The following SPINK5 variants were observed in gnomAD, a reference collection of about 807,000 sequenced individuals.
SPINK5 encodes serine peptidase inhibitor Kazal type 5.
In SPINK5, 125 loss-of-function variants were observed where a neutral mutation model predicts 151.8. That is an observed-to-expected ratio of 0.82 (90% CI 0.71 to 0.96). The LOEUF (loss-of-function observed/expected upper bound fraction) is 0.96, where lower values mean the gene tolerates loss of function less well. Ranked by LOEUF, SPINK5 falls within the 40% of genes least tolerant of loss-of-function variation. SPINK5 has a pLI of 0.00. For synonymous variants in SPINK5, 374 were observed against 395.3 expected (o/e 0.95, Z 0.64); for missense variants, 1,194 against 1,291.9 (o/e 0.92, Z 1.16).
intron 8 of SPINK5, among the ~76,000 whole-genome samples, chr5:148,092,705 C>A (rs1053315342): frequency 2.0e-5 from 3 of 151,832 alleles, no homozygotes; most frequent in African/African-American, 4.8e-5. Flanking sequence ...TTACGAGAAT[C>A]ATTGAGCATT....
rs886041508 is a variant in SPINK5, at chr5:148,120,320, A to T, written c.2467A>T (p.Lys823Ter). 6.2e-7 allele frequency: 1 copy of T among 1,605,684 alleles called. No homozygotes were observed. The highest frequency in any genetic ancestry group is 8.5e-7 in the Non-Finnish European group (1 of 1,175,216). ...GGAAAGGGAAGCAGCTGAAAAAAAA[A>T]AGAAAGAGGATGAAGACAGGAGCAA... is the stretch of plus-strand genomic sequence containing the variant. ...KLEREAAEKK[K>*]KEDEDRSNTG... Residue 823 changes from lysine to a stop codon, truncating the protein, a stop_gained, in exon 26 of 33, where the codon AAG (lysine) becomes TAG (stop). Coordinates refer to ENST00000256084, the MANE Select transcript of SPINK5 (RefSeq NM_006846.4). LOFTEE classifies it high-confidence loss of function.
rs754893266 is a variant in SPINK5, at chr5:148,101,823, C to CT, written c.1351dup (p.Cys451LeufsTer6). ...CCGCAAATCCAGGAAAAACGGACGG[C>CT]TTTTTTGCACCAGAGAGAATGACCC... On this transcript the variant is annotated frameshift_variant, in exon 15 of 33. Transcript: ENST00000256084. LOFTEE classifies it high-confidence loss of function. 6.2e-7 allele frequency: 1 copy of CT among 1,613,808 alleles called. No individual in the cohort carries two copies.
intron 24 of SPINK5, 27 bp downstream of exon 24, chr5:148,119,085 G>C: frequency 6.2e-7 from 1 of 1,607,862 alleles, no homozygotes. Flanking sequence ...GTTTTGGCAA[G>C]AATCGTCTTT....
intron 4 of SPINK5, among the ~76,000 whole-genome samples, chr5:148,084,213 T>C (rs557935408): frequency 4.6e-5 from 7 of 152,046 alleles, no homozygotes; most frequent in African/African-American, 1.7e-4. Context: ...GCTGTATTTA[T>C]TTTTTCTGCT....
At chr5:148,109,810 G>A (rs1032655207) in intron 18 of SPINK5, among the ~76,000 whole-genome samples, 1 of 152,134 alleles carries the variant, frequency 6.6e-6, no homozygotes, top group African/African-American at 2.4e-5. Context: ...AAGGCAGGTC[G>A]TGCTACCCAG....
chr5:148,120,653 C>A (rs1754232583), intron 26 of SPINK5, among the ~76,000 whole-genome samples: 2 of 152,192 alleles, frequency 1.3e-5, no homozygotes, highest in Middle Eastern at 6.8e-3. Context: ...TTTTTTCTTT[C>A]CTTTGAGACA....
chr5:148,099,109 G>A, intron 11 of SPINK5, 125 bp from the exon 12 acceptor site: 1 of 763,500 alleles, frequency 1.3e-6, no homozygotes, highest in Non-Finnish European at 2.2e-6. Context: ...TCATTGATAT[G>A]CAGTGATAAA....
At chr5:148,135,513 G>A (rs1356886966) in intron 32 of SPINK5, among the ~76,000 whole-genome samples, 3 of 152,206 alleles carry the variant, frequency 2.0e-5, no homozygotes, top group Non-Finnish European at 4.4e-5. Context: ...CCATTTCTGA[G>A]TGTATGCTTT....
At chr5:148,076,373 A>C (rs1752880883) in intron 4 of SPINK5, among the ~76,000 whole-genome samples, 1 of 151,650 alleles carries the variant, frequency 6.6e-6, no homozygotes, top group Admixed American at 6.6e-5. Flanking sequence ...CAAAGATTTA[A>C]TCCAGCCACA....
chr5:148,089,660 C>T (rs1381653936), intron 7 of SPINK5, 39 bp downstream of exon 7: 9 of 1,610,720 alleles, frequency 5.6e-6, no homozygotes, highest in Non-Finnish European at 7.6e-6. Flanking sequence ...GATGATGATG[C>T]ACTTGGTTGC....
chr5:148,113,805 ATTC>A (rs1754009108), intron 20 of SPINK5, among the ~76,000 whole-genome samples: 1 of 152,198 alleles, frequency 6.6e-6, no homozygotes, highest in Non-Finnish European at 1.5e-5. Flanking sequence ...ACAAGAGAAA[ATTC>A]TTCAGTATGA....
chr5:148,109,647 C>T (rs1303201726), intron 18 of SPINK5, among the ~76,000 whole-genome samples: 1 of 152,018 alleles, frequency 6.6e-6, no homozygotes, highest in Non-Finnish European at 1.5e-5. Context: ...ACGCTTCTGC[C>T]ATTTGTATTA....
At chr5:148,083,811 AT>A (rs1753084590) in intron 4 of SPINK5, among the ~76,000 whole-genome samples, 1 of 151,034 alleles carries the variant, frequency 6.6e-6, no homozygotes, top group South Asian at 2.1e-4. Flanking sequence ...TCTATTTTAA[AT>A]GTTCTTTAGC....
In SPINK5 at chr5:148,099,214, TCTTTTTCCCTCTTATTCAGCCAAG is replaced by T; in HGVS notation, c.1011-18_1016del. ...TGTGTTTGTTCCTAATGGATCTGCT[TCTTTTTCCCTCTTATTCAGCCAAG>T]CAGAAAATGAAGAAAAGAAAAAGGC... On this transcript the variant is annotated splice_acceptor_variant and splice_polypyrimidine_tract_variant and coding_sequence_variant and intron_variant, in exon 12 of 33. Coordinates refer to ENST00000256084, the MANE Select transcript of SPINK5 (RefSeq NM_006846.4). LOFTEE classifies it high-confidence loss of function. The T allele has an allele frequency of 6.3e-7, 1 of 1,598,486 alleles. No homozygotes were observed.
chr5:148,081,865 C>G lies in SPINK5; in HGVS notation c.283-4540C>G, dbSNP rs1279510047. Among the ~76,000 whole-genome samples, 4 of 151,712 alleles carry G rather than the reference C, an allele frequency of 2.6e-5. No individual in the cohort carries two copies. In the East Asian group the frequency reaches 7.8e-4, roughly 30 times the overall value. Reference sequence around the variant, plus strand: ...ATTACTATTATTTAATACAAAATTTCCTAGACCTTCAGAAAAATAGATTAT... The same window carrying G: ...ATTACTATTATTTAATACAAAATTTGCTAGACCTTCAGAAAAATAGATTAT... On this transcript the variant is annotated intron_variant, in intron 4 of 32. Transcript: ENST00000256084.
rs1296692006 is a variant in SPINK5, at chr5:148,095,063, C to T, written c.794+582C>T. Among the ~76,000 whole-genome samples, 3 of 151,906 alleles carry T rather than the reference C, an allele frequency of 2.0e-5. No individual in the cohort carries two copies. In the South Asian group the frequency reaches 6.2e-4, roughly 31 times the overall value. ...TGTCCTGTCCTATGCCAGTTCCTCC[C>T]GGTCTTGGCCAGATGATGTCCCCTC... On this transcript the variant is annotated intron_variant, in intron 9 of 32. Coordinates refer to ENST00000256084, the MANE Select transcript of SPINK5 (RefSeq NM_006846.4).
chr5:148,090,585 T>C, intron 7 of SPINK5: 1 of 152,046 alleles, frequency 6.6e-6, no homozygotes, highest in East Asian at 1.9e-4. Flanking sequence ...CACACCTATC[T>C]CCGGAATGAG....
intron 15 of SPINK5, among the ~76,000 whole-genome samples, chr5:148,102,251 A>G (rs1385381394): frequency 6.6e-6 from 1 of 152,148 alleles, no homozygotes; most frequent in African/African-American, 2.4e-5. Context: ...GAATGAGGAA[A>G]TGTTAATCAA....
At chr5:148,076,805 A>T (rs1752894050) in intron 4 of SPINK5, among the ~76,000 whole-genome samples, 1 of 151,700 alleles carries the variant, frequency 6.6e-6, no homozygotes, top group Non-Finnish European at 1.5e-5. Flanking sequence ...CTGGAGTTGA[A>T]GGGCACAATA....
Sources: allele counts gnomAD v4.1 joint callset (sites outside exome capture counted in the v4.1 genomes callset), GRCh38; gene constraint gnomAD v4.1.1; transcripts MANE v1.5; gene names NCBI Gene and HGNC (gene_info 2026-07-23, HGNC 2026-07-21).